The following ZNF608 variants were observed in gnomAD, a reference collection of about 807,000 sequenced individuals.
ZNF608 encodes zinc finger protein 608, also known as renal carcinoma antigen NY-REN-36.
In ZNF608, 12 loss-of-function variants were observed where a neutral mutation model predicts 109.0. That is an observed-to-expected ratio of 0.11 (90% CI 0.07 to 0.18). The LOEUF (loss-of-function observed/expected upper bound fraction) is 0.18, where lower values mean the gene tolerates loss of function less well. ZNF608 is among the 10% of genes least tolerant of loss of function. The pLI is 1.00. For synonymous variants in ZNF608, 732 were observed against 717.4 expected (o/e 1.02, Z -0.33); for missense variants, 1,707 against 1,879.3 (o/e 0.91, Z 1.70).
At chr5:124,725,104 G>A (rs967903161) in intron 2 of ZNF608, among the ~76,000 whole-genome samples, 33 of 151,950 alleles carry the variant, frequency 2.2e-4, no homozygotes, top group African/African-American at 7.7e-4. Flanking sequence ...GACCCCCGGG[G>A]GGATTGTACA....
In ZNF608 at chr5:124,646,934, C is replaced by T. The variant is rs189382479; in HGVS notation, c.3450G>A (p.Ser1150=). ...TAGAGGGAGCTTTTGAGATTGTGGC[C>T]GATGGCATATTTTTCTGTTTAGTTT... ...KEETKQKNMP[S]ATISKAPSTP... The change falls in exon 5 of 10, where the codon TCG becomes TCA. Residue 1150 remains serine (S), a synonymous_variant. Coordinates refer to ENST00000513986, the MANE Select transcript of ZNF608 (RefSeq NM_020747.3). 1.1e-5 allele frequency: 18 copies of T among 1,613,900 alleles called. No homozygotes were observed. The East Asian group carries it at 1.3e-4, about 12-fold the overall frequency.
chr5:124,655,528 C>A (rs1750968026), intron 3 of ZNF608, among the ~76,000 whole-genome samples: 1 of 152,204 alleles, frequency 6.6e-6, no homozygotes. Context: ...GTAACCCATT[C>A]ATGCCATATG....
intron 3 of ZNF608, among the ~76,000 whole-genome samples, chr5:124,688,000 C>T (rs554046600): frequency 1.6e-4 from 25 of 152,182 alleles, no homozygotes; most frequent in South Asian, 6.2e-4. Flanking sequence ...AATCATGAGA[C>T]GCAAAATGCT....
chr5:124,678,519 A>C (rs1311497415), intron 3 of ZNF608, among the ~76,000 whole-genome samples: 1 of 152,192 alleles, frequency 6.6e-6, no homozygotes, highest in Non-Finnish European at 1.5e-5. Flanking sequence ...CCAGAAAAGG[A>C]CAACTTGGAA....
chr5:124,722,869 T>C (rs1429381142), intron 2 of ZNF608, among the ~76,000 whole-genome samples: 2 of 152,064 alleles, frequency 1.3e-5, no homozygotes, highest in African/African-American at 2.4e-5. Context: ...GATTAAGAAA[T>C]AATATTTATA....
chr5:124,688,678 A>T (rs1411220681), intron 3 of ZNF608, among the ~76,000 whole-genome samples: 1 of 152,234 alleles, frequency 6.6e-6, no homozygotes, highest in African/African-American at 2.4e-5. Flanking sequence ...CAAAACAAAA[A>T]AACTTCATAC....
chr5:124,665,568 G>A (rs548991068), intron 3 of ZNF608, among the ~76,000 whole-genome samples: 2 of 152,140 alleles, frequency 1.3e-5, no homozygotes, highest in African/African-American at 4.8e-5. Flanking sequence ...ATAATCTGAC[G>A]ATATAGCTGT....
chr5:124,670,417 A>G (rs1438398725), intron 3 of ZNF608, among the ~76,000 whole-genome samples: 1 of 151,692 alleles, frequency 6.6e-6, no homozygotes, highest in South Asian at 2.1e-4. Context: ...TTGATATGCT[A>G]TGTAAATGTG....
chr5:124,652,395 C>T (rs1750827604), intron 3 of ZNF608, among the ~76,000 whole-genome samples: 1 of 152,166 alleles, frequency 6.6e-6, no homozygotes. Context: ...AAAACAAATG[C>T]TTTACACCCA....
In ZNF608 at chr5:124,744,423, C is replaced by G; in HGVS notation, c.567G>C (p.Glu189Asp). ...AGAGSCGKSK[E>D]EKPGKSQSSR... ...TGCTCTGGCTTTTACCTGGCTTCTC[C>G]TCTTTGCTTTTCCCACAGGAGCCTG... Residue 189 changes from glutamate (E) to aspartate (D), a missense_variant, in exon 2 of 10, where the codon GAG becomes GAC. Glu to Asp is a conservative substitution (Grantham distance 45). Transcript: ENST00000513986. The surrounding 1 kb of genome is among the most constrained non-coding windows in gnomAD (Gnocchi z 4.5). 6.2e-7 allele frequency: 1 copy of G among 1,614,270 alleles called. No individual in the cohort carries two copies. The highest frequency in any genetic ancestry group is 8.5e-7 in the Non-Finnish European group (1 of 1,180,050).
chr5:124,647,047 T>C lies in ZNF608; in HGVS notation c.3337A>G (p.Arg1113Gly). 1 of 1,614,020 alleles carries C rather than the reference T, an allele frequency of 6.2e-7. No individual in the cohort carries two copies. The highest frequency in any genetic ancestry group is 8.5e-7 in the Non-Finnish European group (1 of 1,179,946). Residue 1113 changes from arginine to glycine, a missense_variant, in exon 5 of 10, where the codon AGG (arginine) becomes GGG (glycine). Transcript: ENST00000513986. ...QQYEKYYEDQRLAEQKMAQTG... is the reference protein window; with the variant it reads ...QQYEKYYEDQGLAEQKMAQTG... Reference sequence around the variant, plus strand: ...TGGGCCATTTTCTGCTCTGCCAGCCTCTGGTCCTCATAGTACTTCTCATAC... The same window carrying C: ...TGGGCCATTTTCTGCTCTGCCAGCCCCTGGTCCTCATAGTACTTCTCATAC...
upstream of ZNF608, chr5:124,746,835 G>A (rs1749656789): frequency 1.0e-6 from 1 of 960,502 alleles, no homozygotes; most frequent in Non-Finnish European, 1.2e-6. Flanking sequence ...GGAGAAGAAA[G>A]GGTGGGATGA....
At chr5:124,736,422 T>C (rs1749149995) in intron 2 of ZNF608, among the ~76,000 whole-genome samples, 1 of 152,208 alleles carries the variant, frequency 6.6e-6, no homozygotes, top group South Asian at 2.1e-4. Flanking sequence ...AGTAAACTGG[T>C]CTGGCTATGC....
intron 2 of ZNF608, among the ~76,000 whole-genome samples, chr5:124,723,694 T>C (rs888263117): frequency 2.0e-5 from 3 of 151,966 alleles, no homozygotes; most frequent in Admixed American, 6.6e-5. Flanking sequence ...ACTCCATCAA[T>C]CAATGAATCT....
chr5:124,690,757 G>C (rs568280630), intron 3 of ZNF608, among the ~76,000 whole-genome samples: 1 of 151,534 alleles, frequency 6.6e-6, no homozygotes, highest in Non-Finnish European at 1.5e-5. Flanking sequence ...GGCAACAAAA[G>C]CAAAAATCGC....
At chr5:124,740,331 G>C (rs368294777) in intron 2 of ZNF608, among the ~76,000 whole-genome samples, 1 of 152,112 alleles carries the variant, frequency 6.6e-6, no homozygotes, top group Non-Finnish European at 1.5e-5. Context: ...TGCTGATTTG[G>C]ACGCCACCCT....
At chr5:124,674,820 G>A (rs1352020972) in intron 3 of ZNF608, among the ~76,000 whole-genome samples, 2 of 152,130 alleles carry the variant, frequency 1.3e-5, no homozygotes, top group East Asian at 3.9e-4. Context: ...TTACTTTGTT[G>A]ACAAGGTTGG....
chr5:124,744,716 C>A lies in ZNF608; in HGVS notation c.274G>T (p.Ala92Ser), dbSNP rs769031880. Reference protein sequence around the residue: ...GLKFASVQASAPQGNSHKETS... With the variant: ...GLKFASVQASSPQGNSHKETS... Reference sequence around the variant, plus strand: ...TCTTTGTGTGAATTCCCCTGGGGAGCAGAGGCCTGAACAGAAGCAAATTTT... The same window carrying A: ...TCTTTGTGTGAATTCCCCTGGGGAGAAGAGGCCTGAACAGAAGCAAATTTT... Residue 92 changes from alanine (A) to serine (S), a missense_variant, in exon 2 of 10, where the codon GCT (alanine) becomes TCT (serine). By Grantham distance (99) the Ala-to-Ser change is moderately conservative. Around this residue, in one of 7 missense-constraint regions of ZNF608, gnomAD observed 407 missense variants for 398.7 expected, o/e 1.02. Coordinates refer to ENST00000513986, the MANE Select transcript of ZNF608 (RefSeq NM_020747.3). This position sits in a 1 kb window ranked among gnomAD's most constrained non-coding sequence, Gnocchi z 4.5. The A allele has an allele frequency of 6.2e-7, 1 of 1,614,098 alleles. No individual in the cohort carries two copies.
Position 124,647,837 on chromosome 5 carries a change from T to G in ZNF608, c.2547A>C (p.Leu849Phe), listed in dbSNP as rs1458621836. The G allele has an allele frequency of 6.2e-7, 1 of 1,614,210 alleles. No individual in the cohort carries two copies. The highest frequency in any genetic ancestry group is 1.7e-5 in the Admixed American group (1 of 60,028). ...LEDSKGASKDLPGHFLKDHLN... is the reference protein window; with the variant it reads ...LEDSKGASKDFPGHFLKDHLN... Reference sequence around the variant, plus strand: ...GATGATCCTTTAAAAAATGCCCAGGTAAATCTTTGCTGGCCCCCTTGGAGT... The same window carrying G: ...GATGATCCTTTAAAAAATGCCCAGGGAAATCTTTGCTGGCCCCCTTGGAGT... Residue 849 changes from leucine to phenylalanine, a missense_variant, in exon 5 of 10, where the codon TTA becomes TTC. Around this residue, in one of 7 missense-constraint regions of ZNF608, gnomAD observed 1,073 missense variants for 1,133.5 expected, o/e 0.95. Coordinates refer to ENST00000513986, the MANE Select transcript of ZNF608 (RefSeq NM_020747.3).
Sources: allele counts gnomAD v4.1 joint callset (sites outside exome capture counted in the v4.1 genomes callset), GRCh38; gene constraint gnomAD v4.1.1; regional missense constraint gnomAD v4.1.1; non-coding constraint Gnocchi (gnomAD v3.1); transcripts MANE v1.5; gene names NCBI Gene and HGNC (gene_info 2026-07-23, HGNC 2026-07-21).